Variants in ANO2 observed in about 807,000 individuals in gnomAD.
ANO2 encodes the protein anoctamin-2.
Under a neutral mutation model 124.2 loss-of-function variants are expected in ANO2, and 101 were observed. The ratio of observed to expected loss-of-function variants is 0.81; its 90% confidence interval spans 0.69 to 0.96. The LOEUF is 0.96. Ranked by LOEUF, ANO2 falls within the 40% of genes least tolerant of loss-of-function variation. ANO2 has a pLI of 0.00. For missense variants in ANO2, 1,293 were observed against 1,274.5 expected (o/e 1.01, Z -0.22); for synonymous variants, 486 against 482.5 (o/e 1.01, Z -0.09).
intron 3 of ANO2, among the ~76,000 whole-genome samples, chr12:5,920,818 G>C (rs1161462863): frequency 6.6e-6 from 1 of 152,088 alleles, no homozygotes; most frequent in Non-Finnish European, 1.5e-5. Context: ...AGTGAGCCAA[G>C]ATCACACCAC....
intron 7 of ANO2, among the ~76,000 whole-genome samples, chr12:5,818,472 TATATATATATA>T (rs1178315323): frequency 1.2e-5 from 1 of 85,986 alleles, no homozygotes; most frequent in Non-Finnish European, 2.1e-5. Flanking sequence ...TATATATATA[TATATATATATA>T]TATATATATA....
intron 14 of ANO2, among the ~76,000 whole-genome samples, chr12:5,664,479 G>T (rs1374182949): frequency 6.6e-6 from 1 of 152,012 alleles, no homozygotes; most frequent in Non-Finnish European, 1.5e-5. Context: ...TTACTTATCT[G>T]ATTTCATTTA....
chr12:5,920,961 T>G (rs1242863875), intron 3 of ANO2, 79 bp downstream of exon 3: 11 of 1,425,890 alleles, frequency 7.7e-6, no homozygotes, highest in Non-Finnish European at 9.5e-6. Flanking sequence ...AGGCTCTCTG[T>G]CAGGTGGCAC....
intron 20 of ANO2, chr12:5,584,131 A>ACCCCC (rs35425375): frequency 1.0e-3 from 135 of 133,936 alleles, no homozygotes; most frequent in African/African-American, 1.3e-3. Flanking sequence ...TTTAATGAAC[A>ACCCCC]CCCCCCCCCC....
rs925455319 is a variant in ANO2 at position 5,762,897 on chromosome 12, C to T, written c.1056-11927G>A. ...TGTCTTACCAAAATAATTTATTGTG[C>T]TTCATATTGTCTTTTATTAGGTCTT... On this transcript the variant is annotated intron_variant, in intron 10 of 24. Coordinates refer to ENST00000682330, the MANE Select transcript of ANO2 (RefSeq NM_001364791.2). Among the ~76,000 whole-genome samples the T allele has an allele frequency of 4.6e-5, 7 of 151,814 alleles. No individual in the cohort carries two copies. In the East Asian group the frequency reaches 1.3e-3, roughly 29 times the overall value.
intron 19 of ANO2, among the ~76,000 whole-genome samples, chr12:5,602,081 G>A (rs764220): frequency 0.63 from 94,990 of 151,966 alleles, 29,951 homozygotes; most frequent in Admixed American, 0.72. Context: ...TACCAACAGG[G>A]GCAAGAAGTT....
chr12:5,773,124 C>A (rs1419467235), intron 10 of ANO2, among the ~76,000 whole-genome samples: 2 of 152,270 alleles, frequency 1.3e-5, no homozygotes, highest in Admixed American at 1.3e-4. Context: ...TCTGTCAGAG[C>A]TTTTCTCCCA....
At chr12:5,744,125 C>T (rs1210286622) in intron 12 of ANO2, 32 bp downstream of exon 12, 1 of 1,612,316 alleles carries the variant, frequency 6.2e-7, no homozygotes, top group Non-Finnish European at 8.5e-7. Context: ...AAGGAACCAC[C>T]CATATAAGCA....
intron 11 of ANO2, 141 bp from the exon 12 acceptor site, chr12:5,744,458 A>C: frequency 1.1e-6 from 1 of 928,352 alleles, no homozygotes; most frequent in African/African-American, 1.7e-5. Context: ...TAAAGAAGTT[A>C]GCATTGTATT....
At chr12:5,800,343 T>C (rs567515225) in intron 9 of ANO2, among the ~76,000 whole-genome samples, 3 of 152,334 alleles carry the variant, frequency 2.0e-5, no homozygotes, top group Admixed American at 6.5e-5. Context: ...AAAATCTTTG[T>C]ATCAACACTG....
At chr12:5,940,697 T>C (rs1942860140) in intron 1 of ANO2, among the ~76,000 whole-genome samples, 1 of 152,254 alleles carries the variant, frequency 6.6e-6, no homozygotes, top group Non-Finnish European at 1.5e-5. Flanking sequence ...ACAGCCACTT[T>C]GGAAAATAGT....
chr12:5,929,976 TCC>T (rs1942281098), intron 1 of ANO2, among the ~76,000 whole-genome samples: 1 of 147,064 alleles, frequency 6.8e-6, no homozygotes, highest in South Asian at 2.2e-4. Flanking sequence ...TTACCAGTCT[TCC>T]TTCCTTACTA....
chr12:5,841,341 A>G (rs891608501), intron 4 of ANO2, among the ~76,000 whole-genome samples: 1 of 152,194 alleles, frequency 6.6e-6, no homozygotes, highest in East Asian at 1.9e-4. Flanking sequence ...CTGTGTCCAC[A>G]GGTAAGTTTC....
intron 16 of ANO2, among the ~76,000 whole-genome samples, chr12:5,624,461 C>T (rs1945295369): frequency 6.6e-6 from 1 of 152,132 alleles, no homozygotes; most frequent in African/African-American, 2.4e-5. Flanking sequence ...TCCCTGATCA[C>T]AGACACCCCC....
At chr12:5,594,424 T>TA (rs1229420126) in intron 20 of ANO2, among the ~76,000 whole-genome samples, 7 of 152,338 alleles carry the variant, frequency 4.6e-5, no homozygotes, top group Admixed American at 3.3e-4. Context: ...ATTTTACAAC[T>TA]ACTTCATATG....
intron 16 of ANO2, among the ~76,000 whole-genome samples, chr12:5,618,192 C>A (rs1006817887): frequency 2.0e-5 from 3 of 152,194 alleles, no homozygotes; most frequent in African/African-American, 7.2e-5. Flanking sequence ...TGAAGGTCAC[C>A]TTTGGGGCTA....
intron 7 of ANO2, among the ~76,000 whole-genome samples, chr12:5,825,533 G>C (rs930446897): frequency 2.0e-5 from 3 of 151,754 alleles, no homozygotes; most frequent in Non-Finnish European, 2.9e-5. Flanking sequence ...GTTTCAGAGG[G>C]AGGAATGCTG....
intron 20 of ANO2, among the ~76,000 whole-genome samples, chr12:5,588,351 A>C (rs1240818715): frequency 6.6e-6 from 1 of 152,196 alleles, no homozygotes; most frequent in East Asian, 1.9e-4. Flanking sequence ...AGGAGGGAGG[A>C]AGCCTCACTT....
At chr12:5,565,719 C>A in intron 23 of ANO2, 56 bp from the exon 24 acceptor site, 2 of 1,435,014 alleles carry the variant, frequency 1.4e-6, no homozygotes, top group South Asian at 2.6e-5. Flanking sequence ...AAAGGGTGGT[C>A]ATTCTCTGGG....
Sources: allele counts gnomAD v4.1 joint callset (sites outside exome capture counted in the v4.1 genomes callset), GRCh38; gene constraint gnomAD v4.1.1; transcripts MANE v1.5; gene names NCBI Gene and HGNC (gene_info 2026-07-23, HGNC 2026-07-21).